Variants in CADM4 observed in about 807,000 individuals in gnomAD.
CADM4 encodes TSLC1-like 2.
CADM4 carries 13 observed loss-of-function variants against 43.9 expected under a neutral mutation model. The observed-to-expected ratio is 0.30, with a 90% confidence interval of 0.19 to 0.47. The LOEUF is 0.47. CADM4 is among the 20% of genes least tolerant of loss of function. The probability of loss-of-function intolerance (pLI) is 1.00; values close to 1 mark genes in which losing one functional copy is unlikely to be tolerated. For missense variants in CADM4, 420 were observed against 527.0 expected, an observed-to-expected ratio of 0.80 and a Z score of 1.99; for synonymous variants, 209 against 220.9, an observed-to-expected ratio of 0.95 and a Z score of 0.48.
intron 1 of CADM4, among the ~76,000 whole-genome samples, chr19:43,634,209 C>T (rs1427670964): frequency 6.6e-6 from 1 of 152,192 alleles, no homozygotes; most frequent in Non-Finnish European, 1.5e-5. Context: ...TCAGGGAGCC[C>T]TCTCTGCAAG....
chr19:43,631,320 G>A (rs533198505), intron 1 of CADM4, among the ~76,000 whole-genome samples: 5 of 150,694 alleles, frequency 3.3e-5, no homozygotes, highest in African/African-American at 1.2e-4. Flanking sequence ...CAGCCTGGGT[G>A]ACAGAGCAAG....
At position 43,627,382 on chromosome 19, in the gene CADM4, C is replaced by G; in HGVS notation, c.212-64G>C. 4.0e-6 allele frequency: 6 copies of G among 1,499,256 alleles called. No individual in the cohort carries two copies. The South Asian group carries it at 5.4e-5, about 13-fold the overall frequency. 92.9% of individuals were successfully genotyped at this position (1,499,256 alleles called of 1,614,324 possible). A position where few individuals can be genotyped will look rare whatever the true frequency, so the allele number is the denominator to read the frequency against. Reference sequence around the variant, plus strand: ...CCTGGCCTCACAAGTCCCACCCTTCCGACAGGAGCTTAGAGTCCAGCCCTC... The same window carrying G: ...CCTGGCCTCACAAGTCCCACCCTTCGGACAGGAGCTTAGAGTCCAGCCCTC... On this transcript the variant is annotated intron_variant, in intron 2 of 8. Transcript: ENST00000222374. This position sits in a 1 kb window ranked among gnomAD's most constrained non-coding sequence, Gnocchi z 4.0.
intron 1 of CADM4, among the ~76,000 whole-genome samples, chr19:43,637,423 G>A (rs1431749032): frequency 6.6e-6 from 1 of 152,048 alleles, no homozygotes; most frequent in Non-Finnish European, 1.5e-5. Flanking sequence ...TTACAGAACG[G>A]GAAAGTAAGG....
At chr19:43,634,736 G>A (rs1973676882) in intron 1 of CADM4, among the ~76,000 whole-genome samples, 1 of 151,990 alleles carries the variant, frequency 6.6e-6, no homozygotes, top group Non-Finnish European at 1.5e-5. Context: ...GACAGGGAGG[G>A]TTTGGGAAAG....
In CADM4 at chr19:43,627,468, G is replaced by C. The variant is rs1973548717; in HGVS notation, c.212-150C>G. ...GTGTCCAACTATTTACTCCCTTGAG[G>C]ACCCAGCATTATTCAAGTCCTCCTG... On this transcript the variant is annotated intron_variant, in intron 2 of 8. Coordinates refer to ENST00000222374, the MANE Select transcript of CADM4 (RefSeq NM_145296.2). This position sits in a 1 kb window ranked among gnomAD's most constrained non-coding sequence, Gnocchi z 4.0. 1 of 1,215,470 alleles carries C rather than the reference G, an allele frequency of 8.2e-7. No individual in the cohort carries two copies. The highest frequency in any genetic ancestry group is 1.1e-6 in the Non-Finnish European group (1 of 891,104). The allele number at this position is 1,215,470 out of a possible 1,614,324, so 75.3% of individuals were successfully genotyped here.
In CADM4 at chr19:43,622,423, T is replaced by TC. The variant is rs968910054; in HGVS notation, c.*906dup. On this transcript the variant is annotated 3_prime_UTR_variant, in exon 9 of 9. Transcript: ENST00000222374. Reference sequence around the variant, plus strand: ...TGAGATTGCCAAACCCCCTCCCCATTCCCCTCCCCACCCCGTACAAAATGT... The same window carrying TC: ...TGAGATTGCCAAACCCCCTCCCCATTCCCCCTCCCCACCCCGTACAAAATGT... The TC allele has an allele frequency of 5.2e-4, 79 of 151,968 alleles. 1 individual carries two copies. The highest frequency in any genetic ancestry group is 1.6e-3 in the African/African-American group (66 of 41,410). The allele number at this position is 151,968 out of a possible 1,614,324, so 9.4% of individuals were successfully genotyped here. A position where few individuals can be genotyped will look rare whatever the true frequency, so the allele number is the denominator to read the frequency against.
chr19:43,637,577 T>G (rs1435553988), intron 1 of CADM4, among the ~76,000 whole-genome samples: 1 of 152,148 alleles, frequency 6.6e-6, no homozygotes, highest in East Asian at 1.9e-4. Flanking sequence ...TACTATTTAC[T>G]TTAGAGAAAG....
chr19:43,624,037 T>C, intron 8 of CADM4, 77 bp downstream of exon 8: 2 of 1,565,804 alleles, frequency 1.3e-6, no homozygotes, highest in Non-Finnish European at 8.7e-7. Flanking sequence ...GCCCTCTCGT[T>C]ACCCTGGCTC....
chr19:43,623,151 C>T lies in CADM4; in HGVS notation c.*179G>A. 1.6e-6 allele frequency: 1 copy of T among 610,370 alleles called. No individual in the cohort carries two copies. The highest frequency in any genetic ancestry group is 2.9e-6 in the Non-Finnish European group (1 of 341,040). 37.8% of individuals were successfully genotyped at this position (610,370 alleles called of 1,614,324 possible). On this transcript the variant is annotated 3_prime_UTR_variant, in exon 9 of 9. Coordinates refer to ENST00000222374, the MANE Select transcript of CADM4 (RefSeq NM_145296.2). The surrounding 1 kb of genome is among the most constrained non-coding windows in gnomAD (Gnocchi z 4.4). ...CAGACCTCTGGGCCCTCACTTCTGG[C>T]CCTTACAGAGATCCAGGCATCCAAC...
In CADM4 at chr19:43,627,434, G is replaced by A; in HGVS notation, c.212-116C>T. 8 of 1,316,052 alleles carry A rather than the reference G, an allele frequency of 6.1e-6. No individual in the cohort carries two copies. Among genetic ancestry groups the A allele is most frequent in the Non-Finnish European group, 7.2e-6 (7 of 978,762 alleles). The allele number at this position is 1,316,052 out of a possible 1,614,324, so 81.5% of individuals were successfully genotyped here. On this transcript the variant is annotated intron_variant, in intron 2 of 8. Transcript: ENST00000222374. This position sits in a 1 kb window ranked among gnomAD's most constrained non-coding sequence, Gnocchi z 4.0. ...GCCTCTTTTCTCCAGCCATATCTAT[G>A]AGTCTGAGGTGTCCAACTATTTACT...
chr19:43,623,467 G>A lies in CADM4; in HGVS notation c.1058-28C>T. ...GAGGGGGTGACAGACCCCCGGGGCA[G>A]GGGGGACATATTTGTGGATCCAGGA... On this transcript the variant is annotated intron_variant, in intron 8 of 8. Transcript: ENST00000222374. The surrounding 1 kb of genome is among the most constrained non-coding windows in gnomAD (Gnocchi z 4.4). 1.4e-6 allele frequency: 2 copies of A among 1,417,256 alleles called. No homozygotes were observed. Among genetic ancestry groups the A allele is most frequent in the Non-Finnish European group, 2.0e-6 (2 of 1,001,050 alleles). 87.8% of individuals were successfully genotyped at this position (1,417,256 alleles called of 1,614,324 possible).
rs376899131 is a variant in CADM4 at position 43,625,338 on chromosome 19, C to T, written c.756-88G>A. On this transcript the variant is annotated intron_variant, in intron 6 of 8. Coordinates refer to ENST00000222374, the MANE Select transcript of CADM4 (RefSeq NM_145296.2). The surrounding 1 kb of genome is among the most constrained non-coding windows in gnomAD (Gnocchi z 4.5). ...GTCAAGAATCTAGACATGCAACTCTCATCCCGCAGGGACCTCCAAATAAGA... is the reference window on the plus strand; with the variant it reads ...GTCAAGAATCTAGACATGCAACTCTTATCCCGCAGGGACCTCCAAATAAGA... 5.9e-6 allele frequency: 8 copies of T among 1,350,510 alleles called. No homozygotes were observed. In the African/African-American group the frequency reaches 1.0e-4, roughly 17 times the overall value. 83.7% of individuals were successfully genotyped at this position (1,350,510 alleles called of 1,614,324 possible).
Position 43,627,547 on chromosome 19 carries a change from GACCAA to G in CADM4, c.211+92_211+96del. 1.4e-6 allele frequency: 2 copies of G among 1,416,958 alleles called. No homozygotes were observed. The highest frequency in any genetic ancestry group is 2.8e-5 in the South Asian group (2 of 71,930). 87.8% of individuals were successfully genotyped at this position (1,416,958 alleles called of 1,614,324 possible). On this transcript the variant is annotated intron_variant, in intron 2 of 8. Coordinates refer to ENST00000222374, the MANE Select transcript of CADM4 (RefSeq NM_145296.2). The surrounding 1 kb of genome is among the most constrained non-coding windows in gnomAD (Gnocchi z 4.0). ...GCCCTTTCTTCTCCGAGACCCAGGA[GACCAA>G]ACTCTCAGGTGTGTCCTCTTTCAGG...
upstream of CADM4, among the ~76,000 whole-genome samples, chr19:43,640,932 G>A (rs1244266897): frequency 6.6e-6 from 1 of 152,080 alleles, no homozygotes; most frequent in Non-Finnish European, 1.5e-5. Flanking sequence ...GGCAAACTGA[G>A]GTCCAGAAGT....
chr19:43,623,205 T>G lies in CADM4; in HGVS notation c.*125A>C. On this transcript the variant is annotated 3_prime_UTR_variant, in exon 9 of 9. Coordinates refer to ENST00000222374, the MANE Select transcript of CADM4 (RefSeq NM_145296.2). The surrounding 1 kb of genome is among the most constrained non-coding windows in gnomAD (Gnocchi z 4.4). ...CCCATCCCTGCCCAAGCGTCTGAGG[T>G]GTTAGTGGTGGGGGGAGAAGCCCAC... 3 of 719,270 alleles carry G rather than the reference T, an allele frequency of 4.2e-6. No individual in the cohort carries two copies. The highest frequency in any genetic ancestry group is 2.0e-5 in the Admixed American group (1 of 51,138). The allele number at this position is 719,270 out of a possible 1,614,324, so 44.6% of individuals were successfully genotyped here. A position where few individuals can be genotyped will look rare whatever the true frequency, so the allele number is the denominator to read the frequency against.
chr19:43,634,702 A>C (rs2146157738), intron 1 of CADM4, among the ~76,000 whole-genome samples: 1 of 152,132 alleles, frequency 6.6e-6, no homozygotes, highest in Non-Finnish European at 1.5e-5. Flanking sequence ...AGGAGTCGTC[A>C]TGGGGATGGT....
chr19:43,636,628 G>A (rs1428628279), intron 1 of CADM4, among the ~76,000 whole-genome samples: 1 of 151,964 alleles, frequency 6.6e-6, no homozygotes, highest in Non-Finnish European at 1.5e-5. Flanking sequence ...GAGAGAGAAA[G>A]CTGCCTTTGT....
Position 43,622,460 on chromosome 19 carries a change from TTTG to T in CADM4, c.*867_*869del, listed in dbSNP as rs1249781481. 2 of 151,792 alleles carry T rather than the reference TTTG, an allele frequency of 1.3e-5. No individual in the cohort carries two copies. The highest frequency in any genetic ancestry group is 2.9e-5 in the Non-Finnish European group (2 of 67,936). 9.4% of individuals were successfully genotyped at this position (151,792 alleles called of 1,614,324 possible). ...CCCGTACAAAATGTGTGTGTGGTTT[TTTG>T]TTTTTTGTTTTTTGTTTTTTAACAA... On this transcript the variant is annotated 3_prime_UTR_variant, in exon 9 of 9. Coordinates refer to ENST00000222374, the MANE Select transcript of CADM4 (RefSeq NM_145296.2).
rs1166992073 is a variant in CADM4, at chr19:43,625,874, TCTC to T, written c.755+34_755+36del. ...CCCTGTTCTTCCAGGTCCCCAGCTT[TCTC>T]CTCCTGAGGACGCAGGAGGCCCCCA... On this transcript the variant is annotated intron_variant, in intron 6 of 8. Transcript: ENST00000222374. This position sits in a 1 kb window ranked among gnomAD's most constrained non-coding sequence, Gnocchi z 4.5. 8.3e-6 allele frequency: 13 copies of T among 1,571,154 alleles called. No homozygotes were observed. In the Admixed American group the frequency reaches 2.0e-4, roughly 24 times the overall value.
Sources: gnomAD v4.1 joint callset for allele counts (sites outside exome capture counted in the v4.1 genomes callset) on GRCh38, gnomAD v4.1.1 for gene constraint, Gnocchi (gnomAD v3.1) non-coding constraint, MANE v1.5 for transcripts, NCBI Gene and HGNC (gene_info 2026-07-23, HGNC 2026-07-21) for gene names.